The following EPPK1 variants were observed in gnomAD, a reference collection of about 807,000 sequenced individuals.
The protein encoded by EPPK1 is epiplakin.
For synonymous variants in EPPK1, 1,862 were observed against 1,721.2 expected (o/e 1.08, Z -2.03); for missense variants, 3,823 against 3,673.3 (o/e 1.04, Z -1.05).
chr8:143,872,352 A>G lies in EPPK1; in HGVS notation c.902T>C (p.Phe301Ser). 1 of 1,605,156 alleles carries G rather than the reference A, an allele frequency of 6.2e-7. No homozygotes were observed. The highest frequency in any genetic ancestry group is 1.3e-5 in the African/African-American group (1 of 74,822). The part of the protein sequence containing the change: ...VLLPEGHKKS[F>S]FQAATEHLLP... ...CAGGTGCTCGGTGGCAGCCTGGAAA[A>G]AGCTCTTCTTGTGGCCTTCGGGCAG... The change falls in exon 2 of 2, where the codon TTT (phenylalanine) becomes TCT (serine). Residue 301 changes from phenylalanine to serine, a missense_variant. Transcript: ENST00000615648.
Position 143,866,743 on chromosome 8 carries a change from G to C in EPPK1, c.6511C>G (p.His2171Asp), listed in dbSNP as rs1554659157. 4.3e-6 allele frequency: 7 copies of C among 1,613,490 alleles called. No homozygotes were observed. The highest frequency in any genetic ancestry group is 3.4e-6 in the Non-Finnish European group (4 of 1,179,870). Residue 2171 changes from histidine to aspartate, a missense_variant, in exon 2 of 2, where the codon CAC becomes GAC. Physicochemically the swap from His to Asp is moderately conservative, Grantham distance 81 (BLOSUM62 -1). Transcript: ENST00000615648. Reference sequence around the variant, plus strand: ...CGTCTAATTCCTTGGAACCACAGGTGTTTGTTGCTGGTTTCCTGCTTCTCG... The same window carrying C: ...CGTCTAATTCCTTGGAACCACAGGTCTTTGTTGCTGGTTTCCTGCTTCTCG... ...LIEKQETSNK[H>D]LWFQGIRRQI...
At position 143,870,561 on chromosome 8, in the gene EPPK1, A is replaced by G. The variant is rs1016571740; in HGVS notation, c.2693T>C (p.Ile898Thr). ...CACTTGGTCCAACAGCTGCTGGTCA[A>G]TGATACCGGCCTCCAGGAGCTGGTG... Reference protein sequence around the residue: ...TVHQLLEAGIIDQQLLDQVLA... With the variant: ...TVHQLLEAGITDQQLLDQVLA... Residue 898 changes from isoleucine to threonine, a missense_variant, in exon 2 of 2, where the codon ATT (isoleucine) becomes ACT (threonine). Physicochemically the swap from Ile to Thr is moderately conservative, Grantham distance 89. Transcript: ENST00000615648. The surrounding 1 kb of genome is among the most constrained non-coding windows in gnomAD (Gnocchi z 5.2). The G allele has an allele frequency of 1.2e-6, 2 of 1,611,670 alleles. No homozygotes were observed. Among genetic ancestry groups the G allele is most frequent in the Non-Finnish European group, 1.7e-6 (2 of 1,179,468 alleles).
Position 143,869,465 on chromosome 8 carries a change from G to C in EPPK1, c.3789C>G (p.Ala1263=), listed in dbSNP as rs782513928. The C allele has an allele frequency of 6.4e-7, 1 of 1,556,492 alleles. No individual in the cohort carries two copies. Among genetic ancestry groups the C allele is most frequent in the East Asian group, 2.3e-5 (1 of 44,392 alleles). The change falls in exon 2 of 2, where the codon GCC becomes GCG. Residue 1263 remains alanine, a synonymous_variant. Transcript: ENST00000615648. ...GCAGGAGGCCATCCCTCACGGCCTG[G>C]GCGATGCTGGCCTTGGCCCCAGAGG... The part of the protein sequence containing the change: ...LQPSGAKASI[A]QAVRDGLLPT...
chr8:143,878,357 C>CCCG (rs1220477965), intron 1 of EPPK1, 81 bp downstream of exon 1: 2 of 140,106 alleles, frequency 1.4e-5, no homozygotes, highest in Non-Finnish European at 3.1e-5. Flanking sequence ...CGAGCCCGCA[C>CCCG]CCGCACCCGC....
chr8:143,870,803 C>T lies in EPPK1; in HGVS notation c.2451G>A (p.Leu817=), dbSNP rs782218688. 6.2e-7 allele frequency: 1 copy of T among 1,612,776 alleles called. No individual in the cohort carries two copies. Among genetic ancestry groups the T allele is most frequent in the African/African-American group, 1.3e-5 (1 of 75,054 alleles). Residue 817 remains leucine, a synonymous_variant, in exon 2 of 2, where the codon CTG becomes CTA. Coordinates refer to ENST00000615648, the MANE Select transcript of EPPK1 (RefSeq NM_031308.4). This position sits in a 1 kb window ranked among gnomAD's most constrained non-coding sequence, Gnocchi z 5.2. The part of the protein sequence containing the change: ...DSATQQAFQN[L]LLSVKYGRFQ... ...ACCGTCCATACTTCACGGAGAGCAG[C>T]AGGTTCTGGAAGGCCTGCTGGGTGG...
In EPPK1 at chr8:143,867,434, G is replaced by A. The variant is rs374869706; in HGVS notation, c.5820C>T (p.Leu1940=). The A allele has an allele frequency of 7.4e-6, 12 of 1,612,614 alleles. No individual in the cohort carries two copies. The African/African-American group carries it at 1.5e-4, about 20-fold the overall frequency. The part of the protein sequence containing the change: ...LLEAQAATGF[L]LDPCTRQKLS... ...GCTTCTGGCGGGTGCAGGGGTCCAGGAGGAACCCGGTGGCGGCCTGCGCCT... is the reference window on the plus strand; with the variant it reads ...GCTTCTGGCGGGTGCAGGGGTCCAGAAGGAACCCGGTGGCGGCCTGCGCCT... The change falls in exon 2 of 2, where the codon CTC becomes CTT. Residue 1940 remains leucine (L), a synonymous_variant. Transcript: ENST00000615648.
chr8:143,868,435 C>A lies in EPPK1; in HGVS notation c.4819G>T (p.Ala1607Ser). 6.2e-7 allele frequency: 1 copy of A among 1,612,528 alleles called. No individual in the cohort carries two copies. Among genetic ancestry groups the A allele is most frequent in the Non-Finnish European group, 8.5e-7 (1 of 1,179,746 alleles). The change falls in exon 2 of 2, where the codon GCA becomes TCA. Residue 1607 changes from alanine to serine, a missense_variant. Ala to Ser is a moderately conservative substitution (Grantham distance 99). Coordinates refer to ENST00000615648, the MANE Select transcript of EPPK1 (RefSeq NM_031308.4). The part of the protein sequence containing the change: ...RPGTALVLLE[A>S]QAATGFIIDP... ...ATGATGAAGCCGGTAGCTGCCTGTG[C>A]CTCCAGCAGCACCAGGGCTGTGCCA... is the stretch of plus-strand genomic sequence containing the variant.
rs1563880798 is a variant in EPPK1, at chr8:143,867,665, C to A, written c.5589G>T (p.Arg1863Ser). The A allele has an allele frequency of 1.2e-6, 2 of 1,613,472 alleles. No homozygotes were observed. Among genetic ancestry groups the A allele is most frequent in the Non-Finnish European group, 1.7e-6 (2 of 1,179,840 alleles). Reference sequence around the variant, plus strand: ...TGTGCAGGGTCTTCTGATCGATGACCCTGGAGTTGAACAGGTCTGCAGCTG... The same window carrying A: ...TGTGCAGGGTCTTCTGATCGATGACACTGGAGTTGAACAGGTCTGCAGCTG... ...EVTAADLFNS[R>S]VIDQKTLHTL... The change falls in exon 2 of 2, where the codon AGG (arginine) becomes AGT (serine). Residue 1863 changes from arginine (R) to serine (S), a missense_variant. Coordinates refer to ENST00000615648, the MANE Select transcript of EPPK1 (RefSeq NM_031308.4).
Position 143,870,531 on chromosome 8 carries a change from G to A in EPPK1, c.2723C>T (p.Ala908Val). The A allele has an allele frequency of 6.2e-7, 1 of 1,610,748 alleles. No homozygotes were observed. Reference protein sequence around the residue: ...IDQQLLDQVLAGTISPEALLL... With the variant: ...IDQQLLDQVLVGTISPEALLL... ...GAGGGCCTCCGGGCTGATTGTCCCG[G>A]CCAGCACTTGGTCCAACAGCTGCTG... The change falls in exon 2 of 2, where the codon GCC becomes GTC. Residue 908 changes from alanine to valine, a missense_variant. Physicochemically the swap from Ala to Val is moderately conservative, Grantham distance 64. Transcript: ENST00000615648. The surrounding 1 kb of genome is among the most constrained non-coding windows in gnomAD (Gnocchi z 5.2).
rs1157606841 is a variant in EPPK1, at chr8:143,868,114, TCTC to T, written c.5137_5139del (p.Glu1713del). 25 of 1,613,154 alleles carry T rather than the reference TCTC, an allele frequency of 1.5e-5. No homozygotes were observed. Among genetic ancestry groups the T allele is most frequent in the Non-Finnish European group, 1.9e-5 (23 of 1,180,028 alleles). On this transcript the variant is annotated inframe_deletion, in exon 2 of 2. Transcript: ENST00000615648. ...CTGGGGTCCGCCAGGATGCGGTTCA[TCTC>T]CTCGTCGAAGTAGCCGCAGCGGTAG...
chr8:143,870,822 T>TG lies in EPPK1; in HGVS notation c.2431dup (p.Gln811ProfsTer30). 6.2e-7 allele frequency: 1 copy of TG among 1,612,716 alleles called. No individual in the cohort carries two copies. The highest frequency in any genetic ancestry group is 8.5e-7 in the Non-Finnish European group (1 of 1,179,854). ...GAGCAGCAGGTTCTGGAAGGCCTGCTGGGTGGCACTGTCCACCAGCGGGGA... is the reference window on the plus strand; with the variant it reads ...GAGCAGCAGGTTCTGGAAGGCCTGCTGGGGTGGCACTGTCCACCAGCGGGGA... On this transcript the variant is annotated frameshift_variant, in exon 2 of 2. Coordinates refer to ENST00000615648, the MANE Select transcript of EPPK1 (RefSeq NM_031308.4). LOFTEE classifies it low-confidence loss of function (END_TRUNC). The surrounding 1 kb of genome is among the most constrained non-coding windows in gnomAD (Gnocchi z 5.2).
rs921091222 is a variant in EPPK1 at position 143,873,868 on chromosome 8, G to A, written c.-45-570C>T. On this transcript the variant is annotated intron_variant, in intron 1 of 1. Coordinates refer to ENST00000615648, the MANE Select transcript of EPPK1 (RefSeq NM_031308.4). ...TCCAGAGAAGCCTCTGCCACCTCCT[G>A]CTGGCTCCTGAGGTCCCGCCCTCCC... Among the ~76,000 whole-genome samples, 5 of 151,652 alleles carry A rather than the reference G, an allele frequency of 3.3e-5. No homozygotes were observed. In the South Asian group the frequency reaches 1.0e-3, roughly 32 times the overall value.
At position 143,867,336 on chromosome 8, in the gene EPPK1, C is replaced by G. The variant is rs559701261; in HGVS notation, c.5918G>C (p.Arg1973Thr). 6 of 1,612,688 alleles carry G rather than the reference C, an allele frequency of 3.7e-6. No homozygotes were observed. Among genetic ancestry groups the G allele is most frequent in the Non-Finnish European group, 5.1e-6 (6 of 1,179,862 alleles). The change falls in exon 2 of 2, where the codon AGA becomes ACA. Residue 1973 changes from arginine to threonine, a missense_variant. Physicochemically the swap from Arg to Thr is moderately conservative, Grantham distance 71 (BLOSUM62 -1). Coordinates refer to ENST00000615648, the MANE Select transcript of EPPK1 (RefSeq NM_031308.4). ...CGGATCCCTGTAGCCCGTGGCAGCT[C>G]TTTCAGCCTTCAGGAGCCTCTCCCG... ...ELRERLLKAE[R>T]AATGYRDPAT...
Position 143,867,025 on chromosome 8 carries a change from C to G in EPPK1, c.6229G>C (p.Asp2077His), listed in dbSNP as rs782301705. 4 of 1,612,860 alleles carry G rather than the reference C, an allele frequency of 2.5e-6. No individual in the cohort carries two copies. The Admixed American group carries it at 6.7e-5, about 27-fold the overall frequency. The part of the protein sequence containing the change: ...ELQERCRPQE[D>H]TGWLLFPVNK... ...ACTGGGAACAGCAGCCAGCCCGTGT[C>G]CTCTTGTGGGCGGCACCTCTCCTGC... is the stretch of plus-strand genomic sequence containing the variant. The change falls in exon 2 of 2, where the codon GAC becomes CAC. Residue 2077 changes from aspartate to histidine, a missense_variant. Asp to His is a moderately conservative substitution (Grantham distance 81). Transcript: ENST00000615648.
In EPPK1 at chr8:143,866,042, G is replaced by A; in HGVS notation, c.7212C>T (p.Cys2404=). The A allele has an allele frequency of 9.0e-5, 16 of 177,872 alleles. No individual in the cohort carries two copies. Among genetic ancestry groups the A allele is most frequent in the Non-Finnish European group, 1.3e-4 (14 of 107,920 alleles). 11.0% of individuals were successfully genotyped at this position (177,872 alleles called of 1,614,324 possible). ...NLTYVQLLRR[C]VPDPDTGLYM... ...AGAGCCCGGTGTCCGGGTCGGGCAC[G>A]CAGCGGCGCAGCAGCTGCACGTACG... Residue 2404 remains cysteine (C), a synonymous_variant, in exon 2 of 2, where the codon TGC becomes TGT. Transcript: ENST00000615648.
At chr8:143,873,506 G>T (rs1255840198) in intron 1 of EPPK1, among the ~76,000 whole-genome samples, 3 of 152,060 alleles carry the variant, frequency 2.0e-5, no homozygotes, top group African/African-American at 7.2e-5. Context: ...GACCATGTGG[G>T]CGCAGGCACC....
At position 143,866,908 on chromosome 8, in the gene EPPK1, T is replaced by C. The variant is rs782777055; in HGVS notation, c.6346A>G (p.Arg2116Gly). 1.9e-6 allele frequency: 3 copies of C among 1,613,104 alleles called. No homozygotes were observed. Among genetic ancestry groups the C allele is most frequent in the Non-Finnish European group, 2.5e-6 (3 of 1,179,872 alleles). Residue 2116 changes from arginine (R) to glycine (G), a missense_variant, in exon 2 of 2, where the codon AGA becomes GGA. By Grantham distance (125) the Arg-to-Gly change is moderately radical. Coordinates refer to ENST00000615648, the MANE Select transcript of EPPK1 (RefSeq NM_031308.4). ...EQVEITVGRF[R>G]GQKPTLWALL... ...GCCCACAGTGTTGGTTTCTGGCCTC[T>C]GAACCTTCCCACTGTGATTTCCACT... is the stretch of plus-strand genomic sequence containing the variant.
At chr8:143,877,264 C>T (rs536370239) in intron 1 of EPPK1, among the ~76,000 whole-genome samples, 6 of 152,200 alleles carry the variant, frequency 3.9e-5, no homozygotes, top group Admixed American at 1.3e-4. Flanking sequence ...GAGGAAGGCC[C>T]GGGAGTGGGT....
Position 143,867,894 on chromosome 8 carries a change from C to T in EPPK1, c.5360G>A (p.Gly1787Glu), listed in dbSNP as rs1819187316. ...AGAGACCACCTGGTCAGCAAACCTC[C>T]CCACGCGCATTTTTGCAGTTCTGGA... ...LQSRTAKMRV[G>E]RFADQVVSFW... Residue 1787 changes from glycine to glutamate, a missense_variant, in exon 2 of 2, where the codon GGG (glycine) becomes GAG (glutamate). Transcript: ENST00000615648. The T allele has an allele frequency of 6.2e-7, 1 of 1,613,302 alleles. No individual in the cohort carries two copies. The highest frequency in any genetic ancestry group is 8.5e-7 in the Non-Finnish European group (1 of 1,179,724).
Sources: allele counts gnomAD v4.1 joint callset (sites outside exome capture counted in the v4.1 genomes callset), GRCh38; gene constraint gnomAD v4.1.1; non-coding constraint Gnocchi (gnomAD v3.1); transcripts MANE v1.5; gene names NCBI Gene and HGNC (gene_info 2026-07-23, HGNC 2026-07-21).